ZNF808: variants seen among roughly 807,000 people sequenced by gnomAD.
The protein encoded by ZNF808 is zinc finger protein 808.
Under a neutral mutation model 8.7 loss-of-function variants are expected in ZNF808, and 5 were observed. The observed-to-expected ratio is 0.58, with a 90% CI of 0.30 to 1.21. The LOEUF (loss-of-function observed/expected upper bound fraction) is 1.21. ZNF808 is among the 50% of genes most tolerant of loss of function. The pLI is 0.07. For synonymous variants in ZNF808, 380 were observed against 366.0 expected, an observed-to-expected ratio of 1.04 and a Z score of -0.44; for missense variants, 1,103 against 1,098.4, an observed-to-expected ratio of 1.00 and a Z score of -0.06.
At chr19:52,540,817 G>A (rs535889749) in intron 2 of ZNF808, among the ~76,000 whole-genome samples, 17 of 152,284 alleles carry the variant, frequency 1.1e-4, no homozygotes, top group African/African-American at 4.1e-4. Flanking sequence ...TGCTATGTGT[G>A]CACAGTTGTG....
At chr19:52,545,822 T>C (rs1240302434) in intron 3 of ZNF808, among the ~76,000 whole-genome samples, 1 of 152,056 alleles carries the variant, frequency 6.6e-6, no homozygotes, top group Non-Finnish European at 1.5e-5. Flanking sequence ...ATTATATGTA[T>C]GCCTGTGTGT....
Position 52,546,494 on chromosome 19 carries a change from A to G in ZNF808, c.64-1018A>G, listed in dbSNP as rs151184331. Among the ~76,000 whole-genome samples, 641 of 152,052 alleles carry G rather than the reference A, an allele frequency of 4.2e-3. 2 individuals are homozygous for G. Among genetic ancestry groups the G allele is most frequent in the Non-Finnish European group, 6.4e-3 (435 of 67,986 alleles). On this transcript the variant is annotated intron_variant, in intron 3 of 4. Transcript: ENST00000359798. The stretch of plus-strand genomic sequence containing the variant: ...GCCACTGTGCCTGACCGATCATGAT[A>G]GTTTTTAGATTTGGACTTTTCTTTC...
rs748590426 is a variant in ZNF808, at chr19:52,554,685, C to T, written c.1769C>T (p.Thr590Ile). ...CTTTCACGTCATCGTAGACTTCATA[C>T]TGGAGAGAAACCTTACAAATGTGAA... Reference protein sequence around the residue: ...SHLSRHRRLHTGEKPYKCEAC... With the variant: ...SHLSRHRRLHIGEKPYKCEAC... Residue 590 changes from threonine (T) to isoleucine (I), a missense_variant, in exon 5 of 5, where the codon ACT becomes ATT. By Grantham distance (89) the Thr-to-Ile change is moderately conservative. Transcript: ENST00000359798. The T allele has an allele frequency of 2.5e-6, 4 of 1,613,736 alleles. No homozygotes were observed. Among genetic ancestry groups the T allele is most frequent in the Non-Finnish European group, 8.5e-7 (1 of 1,179,942 alleles).
At chr19:52,535,537 G>C (rs1170369892) in intron 2 of ZNF808, among the ~76,000 whole-genome samples, 1 of 152,084 alleles carries the variant, frequency 6.6e-6, no homozygotes, top group Non-Finnish European at 1.5e-5. Context: ...TTAGGCAGCA[G>C]GTGGTGACCT....
chr19:52,541,172 G>C (rs1162771097), intron 2 of ZNF808, among the ~76,000 whole-genome samples: 1 of 151,020 alleles, frequency 6.6e-6, no homozygotes, highest in African/African-American at 2.4e-5. Context: ...GGATGATCTT[G>C]AACTCCTGAC....
At chr19:52,535,720 G>A (rs1364959973) in intron 2 of ZNF808, among the ~76,000 whole-genome samples, 1 of 152,230 alleles carries the variant, frequency 6.6e-6, no homozygotes, top group Non-Finnish European at 1.5e-5. Flanking sequence ...ATTCCGCCCC[G>A]GCAGGGCTTT....
intron 3 of ZNF808, among the ~76,000 whole-genome samples, chr19:52,546,955 T>A (rs1002848141): frequency 3.3e-5 from 5 of 149,436 alleles, no homozygotes; most frequent in Admixed American, 1.3e-4. Context: ...TTTTTTTTTT[T>A]TTTTTTTTTT....
chr19:52,555,624 A>C lies in ZNF808; in HGVS notation c.2708A>C (p.Asp903Ala), dbSNP rs770840364. 1.3e-6 allele frequency: 2 copies of C among 1,593,946 alleles called. No individual in the cohort carries two copies. The highest frequency in any genetic ancestry group is 2.3e-5 in the South Asian group (2 of 87,672). The change falls in exon 5 of 5, where the codon GAT (aspartate) becomes GCT (alanine). Residue 903 changes from aspartate to alanine, a missense_variant. Coordinates refer to ENST00000359798, the MANE Select transcript of ZNF808 (RefSeq NM_001039886.4). ...HQAIHGIGKF[D>A] ...GCAATTCATGGTATAGGGAAATTTG[A>C]TTAATATAATGATTGTCACAAAGTC... is the stretch of plus-strand genomic sequence containing the variant.
rs557778216 is a variant in ZNF808 at position 52,553,246 on chromosome 19, T to C, written c.330T>C (p.Ile110=). 1.2e-6 allele frequency: 2 copies of C among 1,613,838 alleles called. No individual in the cohort carries two copies. The change falls in exon 5 of 5, where the codon ATT becomes ATC. Residue 110 remains isoleucine, a synonymous_variant. Coordinates refer to ENST00000359798, the MANE Select transcript of ZNF808 (RefSeq NM_001039886.4). ...GCTTCCAGGAAATTGAGAAAGAAAT[T>C]CATAACATTGAGTTTCAGTGTCAAG... The part of the protein sequence containing the change: ...DFCFQEIEKE[I]HNIEFQCQED...
Position 52,554,451 on chromosome 19 carries a change from AGT to A in ZNF808, c.1538_1539del (p.Cys513Ter). On this transcript the variant is annotated frameshift_variant, in exon 5 of 5. Coordinates refer to ENST00000359798, the MANE Select transcript of ZNF808 (RefSeq NM_001039886.4). LOFTEE classifies it low-confidence loss of function (END_TRUNC). The stretch of plus-strand genomic sequence containing the variant: ...CTTCATAGTGGTGAAAAACCTTACA[AGT>A]GTAATCAGTGTGGCAATACCTTCCG... The A allele has an allele frequency of 6.2e-7, 1 of 1,614,172 alleles. No individual in the cohort carries two copies. Among genetic ancestry groups the A allele is most frequent in the Middle Eastern group, 1.6e-4 (1 of 6,062 alleles).
In ZNF808 at chr19:52,553,484, G is replaced by A; in HGVS notation, c.568G>A (p.Val190Ile). The part of the protein sequence containing the change: ...LEKSTSDASS[V>I]STSQRISCRP... ...GAAGTCTACCAGTGATGCTTCCTCA[G>A]TTTCAACATCCCAAAGAATTTCCTG... Residue 190 changes from valine (V) to isoleucine (I), a missense_variant, in exon 5 of 5, where the codon GTT (valine) becomes ATT (isoleucine). By Grantham distance (29) the Val-to-Ile change is conservative. Transcript: ENST00000359798. The A allele has an allele frequency of 6.2e-7, 1 of 1,614,088 alleles. No individual in the cohort carries two copies. The highest frequency in any genetic ancestry group is 8.5e-7 in the Non-Finnish European group (1 of 1,180,012).
At position 52,554,304 on chromosome 19, in the gene ZNF808, C is replaced by G. The variant is rs868123314; in HGVS notation, c.1388C>G (p.Ala463Gly). The G allele has an allele frequency of 7.4e-6, 12 of 1,614,068 alleles. No homozygotes were observed. In the Middle Eastern group the frequency reaches 2.0e-3, roughly 266 times the overall value. ...TACAAATGTAAGGTTTGTGATACAG[C>G]TTTCACGTGTAATTCACAGCTGGCA... ...KPYKCKVCDTAFTCNSQLARH... is the reference protein window; with the variant it reads ...KPYKCKVCDTGFTCNSQLARH... The change falls in exon 5 of 5, where the codon GCT becomes GGT. Residue 463 changes from alanine (A) to glycine (G), a missense_variant. Transcript: ENST00000359798.
At chr19:52,541,359 T>C (rs2059668904) in intron 2 of ZNF808, among the ~76,000 whole-genome samples, 1 of 151,608 alleles carries the variant, frequency 6.6e-6, no homozygotes, top group Non-Finnish European at 1.5e-5. Context: ...CAAGGGTGAG[T>C]CACCGCTCCT....
chr19:52,562,643 C>T (rs1179964150), intron 3 of ZNF808, among the ~76,000 whole-genome samples: 2 of 152,178 alleles, frequency 1.3e-5, no homozygotes, highest in Non-Finnish European at 2.9e-5. Flanking sequence ...AGTATACAGT[C>T]TGTGTTTTAT....
intron 2 of ZNF808, among the ~76,000 whole-genome samples, chr19:52,537,242 G>A (rs189930149): frequency 2.0e-5 from 3 of 152,074 alleles, no homozygotes; most frequent in Admixed American, 1.3e-4. Context: ...TGGAAGAGGA[G>A]TAATAGAGGG....
downstream of ZNF808, among the ~76,000 whole-genome samples, chr19:52,566,957 G>GTT (rs58981436): frequency 0.022 from 3,161 of 145,618 alleles, 60 homozygotes; most frequent in Middle Eastern, 0.025. Context: ...AAGGATAGGT[G>GTT]TTTTTTTTTT....
At chr19:52,558,168 C>T (rs2123221269), downstream of ZNF808, among the ~76,000 whole-genome samples, 1 of 146,456 alleles carries the variant, frequency 6.8e-6, no homozygotes, top group Admixed American at 6.8e-5. Flanking sequence ...TCACTGCAAG[C>T]TCCGCCTCCT....
intron 2 of ZNF808, among the ~76,000 whole-genome samples, chr19:52,535,143 A>G (rs982819615): frequency 5.9e-5 from 9 of 151,590 alleles, no homozygotes; most frequent in African/African-American, 2.2e-4. Flanking sequence ...CATCCTGGCT[A>G]ACATGGTGAA....
At chr19:52,545,534 C>G (rs2059712321) in intron 3 of ZNF808, among the ~76,000 whole-genome samples, 1 of 152,146 alleles carries the variant, frequency 6.6e-6, no homozygotes, top group Non-Finnish European at 1.5e-5. Context: ...AATCCCACCA[C>G]TATGGAAGGC....
Sources: allele counts gnomAD v4.1 joint callset (sites outside exome capture counted in the v4.1 genomes callset), GRCh38; gene constraint gnomAD v4.1.1; transcripts MANE v1.5; gene names NCBI Gene and HGNC (gene_info 2026-07-23, HGNC 2026-07-21).